Variants in BRSK1 observed in about 807,000 individuals in gnomAD.
BRSK1 encodes BR serine/threonine kinase 1, also known as serine/threonine-protein kinase BRSK1.
A neutral mutation model predicts 86.2 loss-of-function variants in BRSK1; 17 were observed. The observed-to-expected ratio is 0.20, with a 90% CI of 0.14 to 0.30. The LOEUF (loss-of-function observed/expected upper bound fraction) is 0.30. Among genes scored for constraint, BRSK1 ranks in the 10% least tolerant of loss-of-function variants. BRSK1 has a pLI of 1.00. For synonymous variants in BRSK1, 464 were observed against 440.1 expected (o/e 1.05, Z -0.68); for missense variants, 719 against 1,071.9 (o/e 0.67, Z 4.60).
In BRSK1 at chr19:55,310,757, G is replaced by T. The variant is rs961239469; in HGVS notation, c.2180-1154G>T. ...CCCTCTTTTCTCATGGTTGCTAGGG[G>T]CAACCGGAAAGCAAATTAGGTCCAC... On this transcript the variant is annotated intron_variant, in intron 18 of 18. Transcript: ENST00000309383. The surrounding 1 kb of genome is among the most constrained non-coding windows in gnomAD (Gnocchi z 5.0). Among the ~76,000 whole-genome samples, 7 of 152,114 alleles carry T rather than the reference G, an allele frequency of 4.6e-5. No individual in the cohort carries two copies. The highest frequency in any genetic ancestry group is 1.0e-4 in the Non-Finnish European group (7 of 68,028).
At chr19:55,286,397 CTG>C (rs1483080184) in intron 1 of BRSK1, among the ~76,000 whole-genome samples, 1 of 151,218 alleles carries the variant, frequency 6.6e-6, no homozygotes, top group Non-Finnish European at 1.5e-5. Context: ...CCCTTGGTGT[CTG>C]TGTGCTGTCT....
At position 55,294,927 on chromosome 19, in the gene BRSK1, G is replaced by A. The variant is rs1356067433; in HGVS notation, c.678+530G>A. Among the ~76,000 whole-genome samples, 5 of 152,022 alleles carry A rather than the reference G, an allele frequency of 3.3e-5. No homozygotes were observed. Among genetic ancestry groups the A allele is most frequent in the Admixed American group, 6.6e-5 (1 of 15,252 alleles). ...AGCTATTCTCCTGCCTCAGCTTCCC[G>A]ATTAGCTGGGACTACAGGTACCTGC... On this transcript the variant is annotated intron_variant, in intron 7 of 18. Coordinates refer to ENST00000309383, the MANE Select transcript of BRSK1 (RefSeq NM_032430.2). The surrounding 1 kb of genome is among the most constrained non-coding windows in gnomAD (Gnocchi z 4.9).
chr19:55,294,435 A>G lies in BRSK1; in HGVS notation c.678+38A>G, dbSNP rs376778077. ...CACCTCTCCTGTCATTTCTAGATCA[A>G]TCCCACCTGGTGGGAGCATAGGACA... On this transcript the variant is annotated intron_variant, in intron 7 of 18. Transcript: ENST00000309383. This position sits in a 1 kb window ranked among gnomAD's most constrained non-coding sequence, Gnocchi z 4.9. 4.3e-5 allele frequency: 69 copies of G among 1,608,624 alleles called. 1 individual carries two copies. Among genetic ancestry groups the G allele is most frequent in the African/African-American group, 3.1e-4 (23 of 74,784 alleles).
intron 7 of BRSK1, among the ~76,000 whole-genome samples, chr19:55,296,322 G>A (rs765356945): frequency 8.5e-5 from 13 of 152,160 alleles, no homozygotes; most frequent in Non-Finnish European, 1.3e-4. Flanking sequence ...GTCTTTGTGT[G>A]TTTTATTTCA....
rs2088588671 is a variant in BRSK1 at position 55,302,615 on chromosome 19, G to A, written c.858-82G>A. The A allele has an allele frequency of 6.6e-7, 1 of 1,505,982 alleles. No homozygotes were observed. The highest frequency in any genetic ancestry group is 9.0e-7 in the Non-Finnish European group (1 of 1,114,992). The allele number at this position is 1,505,982 out of a possible 1,614,324, so 93.3% of individuals were successfully genotyped here. ...GGCCGGGGCCTAGACTCGGATTTCG[G>A]GGTCCGGGATCATTGAGTCTAGAAT... On this transcript the variant is annotated intron_variant, in intron 9 of 18. Transcript: ENST00000309383. This position sits in a 1 kb window ranked among gnomAD's most constrained non-coding sequence, Gnocchi z 6.3.
rs181943938 is a variant in BRSK1 at position 55,290,499 on chromosome 19, T to C, written c.458+879T>C. Among the ~76,000 whole-genome samples the C allele has an allele frequency of 1.8e-4, 28 of 152,328 alleles. No homozygotes were observed. The East Asian group carries it at 5.2e-3, about 28-fold the overall frequency. On this transcript the variant is annotated intron_variant, in intron 4 of 18. Coordinates refer to ENST00000309383, the MANE Select transcript of BRSK1 (RefSeq NM_032430.2). ...AATTGTTTATTCTAGATGCAAGTCT[T>C]TCATCAGTATACATTTTTAAATTAT...
rs901780881 is a variant in BRSK1, at chr19:55,308,583, G to T, written c.2090-56G>T. On this transcript the variant is annotated intron_variant, in intron 17 of 18. Transcript: ENST00000309383. ...GGGACTGGGTTCTGCAGGCTGGGAC[G>T]GCCTTCCCGGTCCTGGACCCCCAGT... The T allele has an allele frequency of 1.2e-4, 170 of 1,368,328 alleles. 1 individual carries two copies. The South Asian group carries it at 1.9e-3, about 15-fold the overall frequency. 84.8% of individuals were successfully genotyped at this position (1,368,328 alleles called of 1,614,324 possible).
At chr19:55,301,064 C>T (rs2088562657) in intron 7 of BRSK1, among the ~76,000 whole-genome samples, 1 of 152,210 alleles carries the variant, frequency 6.6e-6, no homozygotes, top group African/African-American at 2.4e-5. Flanking sequence ...TGATTTAGGG[C>T]TCAGCCTCAT....
Position 55,293,085 on chromosome 19 carries a change from C to T in BRSK1, c.459-932C>T, listed in dbSNP as rs532838379. 3.3e-5 allele frequency among the ~76,000 whole-genome samples: 5 copies of T among 152,174 alleles called. 1 individual carries two copies. The highest frequency in any genetic ancestry group is 9.6e-5 in the African/African-American group (4 of 41,520). On this transcript the variant is annotated intron_variant, in intron 4 of 18. Coordinates refer to ENST00000309383, the MANE Select transcript of BRSK1 (RefSeq NM_032430.2). ...AAAATAAAAAACAAAATAGGCCGGG[C>T]GCGGTGGCTCACCCCTGTAATTCCA...
rs80053841 is a variant in BRSK1, at chr19:55,292,422, G to A, written c.459-1595G>A. Among the ~76,000 whole-genome samples, 68 of 152,290 alleles carry A rather than the reference G, an allele frequency of 4.5e-4. No homozygotes were observed. The East Asian group carries it at 0.012, about 26-fold the overall frequency. On this transcript the variant is annotated intron_variant, in intron 4 of 18. Transcript: ENST00000309383. ...TTTGGGTTGGGGAGGAGTATGTAAG[G>A]GACAGAGATGAGATCAGATTGGCCC... is the stretch of plus-strand genomic sequence containing the variant.
At position 55,306,216 on chromosome 19, in the gene BRSK1, T is replaced by C. The variant is rs190667453; in HGVS notation, c.1891-36T>C. ...GTCGTGGGGCTGGGTATCCATTTCC[T>C]GGGCTCACCCCTTCCTGTGTTCCTA... is the stretch of plus-strand genomic sequence containing the variant. On this transcript the variant is annotated intron_variant, in intron 16 of 18. Coordinates refer to ENST00000309383, the MANE Select transcript of BRSK1 (RefSeq NM_032430.2). The surrounding 1 kb of genome is among the most constrained non-coding windows in gnomAD (Gnocchi z 4.7). 314 of 1,608,136 alleles carry C rather than the reference T, an allele frequency of 2.0e-4. No homozygotes were observed. The African/African-American group carries it at 3.7e-3, about 19-fold the overall frequency.
intron 16 of BRSK1, 125 bp downstream of exon 16, chr19:55,305,711 T>C: frequency 1.4e-6 from 2 of 1,433,484 alleles, no homozygotes; most frequent in South Asian, 1.3e-5. Context: ...TGTAGTTTTA[T>C]GGCCAGAGTT....
chr19:55,292,641 C>T (rs1171417095), intron 4 of BRSK1, among the ~76,000 whole-genome samples: 1 of 151,980 alleles, frequency 6.6e-6, no homozygotes, highest in Admixed American at 6.6e-5. Flanking sequence ...CGAGACCAGC[C>T]TGGCCAACAT....
At chr19:55,290,591 T>G (rs1032771999) in intron 4 of BRSK1, among the ~76,000 whole-genome samples, 5 of 152,206 alleles carry the variant, frequency 3.3e-5, no homozygotes, top group Non-Finnish European at 7.3e-5. Context: ...GATTTTTCAT[T>G]TTGATAAATT....
chr19:55,311,146 G>C, intron 18 of BRSK1, among the ~76,000 whole-genome samples: 1 of 152,096 alleles, frequency 6.6e-6, no homozygotes, highest in Non-Finnish European at 1.5e-5. Flanking sequence ...ATTTTTAGTA[G>C]AGACGGGGTT....
intron 7 of BRSK1, among the ~76,000 whole-genome samples, chr19:55,300,736 G>A (rs1290147665): frequency 6.6e-6 from 1 of 152,226 alleles, no homozygotes; most frequent in African/African-American, 2.4e-5. Context: ...CTACTCGGGA[G>A]GTTGAGGCAG....
rs2088461736 is a variant in BRSK1 at position 55,294,826 on chromosome 19, G to C, written c.678+429G>C. ...CTATTTATTTATGTATTTTGAGACAGAGTCTTGCTCTGTTGCCCAGGCTGG... is the reference window on the plus strand; with the variant it reads ...CTATTTATTTATGTATTTTGAGACACAGTCTTGCTCTGTTGCCCAGGCTGG... On this transcript the variant is annotated intron_variant, in intron 7 of 18. Coordinates refer to ENST00000309383, the MANE Select transcript of BRSK1 (RefSeq NM_032430.2). This position sits in a 1 kb window ranked among gnomAD's most constrained non-coding sequence, Gnocchi z 4.9. Among the ~76,000 whole-genome samples the C allele has an allele frequency of 6.6e-6, 1 of 152,004 alleles. No homozygotes were observed.
Position 55,284,439 on chromosome 19 carries a change from C to A in BRSK1, c.-4C>A. ...GGACCGGTCGGGCCGGGACCAAGGG[C>A]ACCATGTCGTCCGGGGCCAAGGAGG... On this transcript the variant is annotated 5_prime_UTR_variant, in exon 1 of 19. Coordinates refer to ENST00000309383, the MANE Select transcript of BRSK1 (RefSeq NM_032430.2). The A allele has an allele frequency of 1.6e-6, 2 of 1,269,326 alleles. No individual in the cohort carries two copies. The highest frequency in any genetic ancestry group is 2.0e-6 in the Non-Finnish European group (2 of 983,348). 78.6% of individuals were successfully genotyped at this position (1,269,326 alleles called of 1,614,324 possible).
At position 55,302,054 on chromosome 19, in the gene BRSK1, CA is replaced by C; in HGVS notation, c.826-79del. The C allele has an allele frequency of 4.5e-6, 7 of 1,541,908 alleles. No homozygotes were observed. In the South Asian group the frequency reaches 7.8e-5, roughly 17 times the overall value. On this transcript the variant is annotated intron_variant, in intron 8 of 18. Coordinates refer to ENST00000309383, the MANE Select transcript of BRSK1 (RefSeq NM_032430.2). The surrounding 1 kb of genome is among the most constrained non-coding windows in gnomAD (Gnocchi z 6.3). The stretch of plus-strand genomic sequence containing the variant: ...TGGGCGGGGAGATGATCAGGGACCC[CA>C]AAACCACCCCAGTCTTTCATTGCGC...
Sources: gnomAD v4.1 joint callset for allele counts (sites outside exome capture counted in the v4.1 genomes callset) on GRCh38, gnomAD v4.1.1 for gene constraint, Gnocchi (gnomAD v3.1) non-coding constraint, MANE v1.5 for transcripts, NCBI Gene and HGNC (gene_info 2026-07-23, HGNC 2026-07-21) for gene names.